MACROD2: variants seen among roughly 807,000 people sequenced by gnomAD.
The protein encoded by MACROD2 is ADP-ribose glycohydrolase MACROD2.
In MACROD2, 36 loss-of-function variants were observed where a neutral mutation model predicts 70.4. That is an observed-to-expected ratio of 0.51 (90% CI 0.39 to 0.68). MACROD2 has a LOEUF of 0.68. Among genes scored for constraint, MACROD2 ranks in the 30% least tolerant of loss-of-function variants. The probability of loss-of-function intolerance (pLI) is 0.00; values close to 1 mark genes in which losing one functional copy is unlikely to be tolerated. For missense variants in MACROD2, 496 were observed against 538.4 expected (o/e 0.92, Z 0.78); for synonymous variants, 172 against 178.8 (o/e 0.96, Z 0.30).
chr20:15,165,522 GA>G (rs1376493439), intron 5 of MACROD2, among the ~76,000 whole-genome samples: 1 of 152,270 alleles, frequency 6.6e-6, no homozygotes, highest in East Asian at 1.9e-4. Flanking sequence ...GATCCTTGGG[GA>G]AAAAAGTGTA....
chr20:14,230,562 T>G (rs1330154764), intron 3 of MACROD2, among the ~76,000 whole-genome samples: 1 of 146,078 alleles, frequency 6.8e-6, no homozygotes, highest in Non-Finnish European at 1.5e-5. Context: ...TTTCCTTCAC[T>G]GAAGTCTTGA....
intron 6 of MACROD2, among the ~76,000 whole-genome samples, chr20:15,402,488 C>T (rs1371729089): frequency 6.6e-6 from 1 of 151,982 alleles, no homozygotes; most frequent in African/African-American, 2.4e-5. Flanking sequence ...CTGTAAAGGC[C>T]AGGGGATTCA....
At chr20:14,242,696 A>G (rs968586760) in intron 3 of MACROD2, among the ~76,000 whole-genome samples, 9 of 152,192 alleles carry the variant, frequency 5.9e-5, no homozygotes, top group African/African-American at 1.4e-4. Context: ...GTTTATTCTC[A>G]TGTACTGCTA....
At chr20:15,278,521 C>T (rs1205432430) in intron 6 of MACROD2, among the ~76,000 whole-genome samples, 1 of 152,122 alleles carries the variant, frequency 6.6e-6, no homozygotes, top group East Asian at 1.9e-4. Context: ...TTAACTTATC[C>T]TAGTCTCAGG....
chr20:14,037,833 A>G (rs1044681090), intron 2 of MACROD2, among the ~76,000 whole-genome samples: 5 of 151,226 alleles, frequency 3.3e-5, no homozygotes, highest in Admixed American at 1.3e-4. Context: ...AGCCTGTGCA[A>G]TGTGGTCTCT....
intron 3 of MACROD2, among the ~76,000 whole-genome samples, chr20:14,213,707 A>G (rs963297128): frequency 3.3e-5 from 5 of 152,144 alleles, no homozygotes; most frequent in Admixed American, 6.5e-5. Context: ...CAGGAACAAT[A>G]TAGCTTTAAA....
intron 13 of MACROD2, among the ~76,000 whole-genome samples, chr20:15,986,314 A>C (rs968824271): frequency 6.6e-6 from 1 of 152,202 alleles, no homozygotes; most frequent in African/African-American, 2.4e-5. Flanking sequence ...TTGATGGAAA[A>C]ATGAAAGTGC....
chr20:15,785,916 C>A (rs1418973222), intron 8 of MACROD2, among the ~76,000 whole-genome samples: 1 of 152,024 alleles, frequency 6.6e-6, no homozygotes, highest in Admixed American at 6.5e-5. Flanking sequence ...CATCATATAT[C>A]ACAGAAATAA....
intron 3 of MACROD2, among the ~76,000 whole-genome samples, chr20:14,331,762 C>A (rs892403931): frequency 1.3e-5 from 2 of 152,038 alleles, no homozygotes; most frequent in African/African-American, 4.8e-5. Flanking sequence ...CAAAAATGAA[C>A]GATCCTCTCC....
At chr20:14,293,125 C>T (rs1052905002) in intron 3 of MACROD2, among the ~76,000 whole-genome samples, 3 of 151,682 alleles carry the variant, frequency 2.0e-5, no homozygotes, top group African/African-American at 7.3e-5. Context: ...TATATATTAA[C>T]ACAATTTGTA....
chr20:16,016,832 A>T (rs1040792127), intron 15 of MACROD2, among the ~76,000 whole-genome samples: 1 of 152,144 alleles, frequency 6.6e-6, no homozygotes, highest in Non-Finnish European at 1.5e-5. Flanking sequence ...TGGCAATTCC[A>T]TTGTTCTTAA....
intron 6 of MACROD2, among the ~76,000 whole-genome samples, chr20:15,283,108 G>A (rs768902748): frequency 1.3e-5 from 2 of 152,094 alleles, no homozygotes; most frequent in Non-Finnish European, 2.9e-5. Context: ...CAGAATGGGG[G>A]AACTGCCCAT....
At chr20:15,090,030 C>G (rs1190674813) in intron 5 of MACROD2, among the ~76,000 whole-genome samples, 1 of 152,056 alleles carries the variant, frequency 6.6e-6, no homozygotes, top group Non-Finnish European at 1.5e-5. Context: ...TAGTTTAGAT[C>G]AGTGTGTGCT....
chr20:15,648,029 C>T (rs1430601649), intron 8 of MACROD2, among the ~76,000 whole-genome samples: 1 of 152,026 alleles, frequency 6.6e-6, no homozygotes, highest in Non-Finnish European at 1.5e-5. Flanking sequence ...CAGAGGACAA[C>T]AGACAATTTT....
At chr20:15,610,991 CT>C (rs34495725) in intron 8 of MACROD2, among the ~76,000 whole-genome samples, 879 of 60,032 alleles carry the variant, frequency 0.015, 1 homozygote, top group African/African-American at 0.038. Context: ...AGCCAAAAAT[CT>C]TTTTTTTTTT....
chr20:15,920,253 T>G (rs1255241033), intron 10 of MACROD2, among the ~76,000 whole-genome samples: 1 of 152,154 alleles, frequency 6.6e-6, no homozygotes, highest in African/African-American at 2.4e-5. Context: ...GTTCTCCTTT[T>G]GCTTAGGCTG....
At chr20:15,329,641 C>A (rs1032634933) in intron 6 of MACROD2, among the ~76,000 whole-genome samples, 2 of 151,978 alleles carry the variant, frequency 1.3e-5, no homozygotes, top group African/African-American at 2.4e-5. Flanking sequence ...TATTTTAAAA[C>A]AAAATCTTGA....
intron 5 of MACROD2, among the ~76,000 whole-genome samples, chr20:15,014,819 T>A (rs1339275487): frequency 2.0e-5 from 3 of 152,152 alleles, no homozygotes; most frequent in Non-Finnish European, 4.4e-5. Flanking sequence ...AAAAGCCTAA[T>A]TCTATCGTTA....
At chr20:15,244,325 A>T (rs1350607545) in intron 6 of MACROD2, among the ~76,000 whole-genome samples, 1 of 152,238 alleles carries the variant, frequency 6.6e-6, no homozygotes, top group African/African-American at 2.4e-5. Context: ...TATAAATATT[A>T]GAGAAAAAGT....
Sources: allele counts gnomAD v4.1 joint callset (sites outside exome capture counted in the v4.1 genomes callset), GRCh38; gene constraint gnomAD v4.1.1; transcripts MANE v1.5; gene names NCBI Gene and HGNC (gene_info 2026-07-23, HGNC 2026-07-21).